The following SYNJ2 variants were observed in gnomAD, a reference collection of about 807,000 sequenced individuals.
SYNJ2 encodes the protein synaptojanin 2.
A neutral mutation model predicts 141.3 loss-of-function variants in SYNJ2; 116 were observed. That is an observed-to-expected ratio of 0.82 (90% CI 0.71 to 0.96). The LOEUF (loss-of-function observed/expected upper bound fraction) is 0.96, where lower values mean the gene tolerates loss of function less well. Ranked by LOEUF, SYNJ2 falls within the 40% of genes least tolerant of loss-of-function variation. The pLI is 0.00. For missense variants in SYNJ2, 1,873 were observed against 1,934.8 expected (o/e 0.97, Z 0.60); for synonymous variants, 745 against 777.7 (o/e 0.96, Z 0.70).
chr6:158,062,298 T>C, intron 8 of SYNJ2, 134 bp downstream of exon 8: 1 of 1,384,554 alleles, frequency 7.2e-7, no homozygotes, highest in South Asian at 1.6e-5. Context: ...ATGTGCCCTA[T>C]GAGGGGCAGC....
rs113215571 is a variant in SYNJ2, at chr6:158,064,551, A to G, written c.1210-50A>G. The G allele has an allele frequency of 4.1e-3, 6,603 of 1,599,582 alleles. 165 individuals are homozygous for G. In the African/African-American group the frequency reaches 0.063, roughly 15 times the overall value. ...AGGAACCTCCTGGGACAGTGGCTGCAGGGCCTCTGTGGGAGAAGCCAGTGA... is the reference window on the plus strand; with the variant it reads ...AGGAACCTCCTGGGACAGTGGCTGCGGGGCCTCTGTGGGAGAAGCCAGTGA... On this transcript the variant is annotated intron_variant, in intron 9 of 26. Transcript: ENST00000355585.
At chr6:157,981,741 G>A, upstream of SYNJ2, 1 of 328,404 alleles carries the variant, frequency 3.0e-6, no homozygotes, top group East Asian at 5.2e-5. The surrounding 1 kb of genome is among the most constrained non-coding windows in gnomAD (Gnocchi z 6.4). Flanking sequence ...GGAGCGCGGG[G>A]CCGGGCGGGA....
chr6:158,056,545 A>G (rs1003571310), intron 6 of SYNJ2, among the ~76,000 whole-genome samples: 17 of 152,074 alleles, frequency 1.1e-4, no homozygotes, highest in African/African-American at 3.4e-4. Flanking sequence ...ATTGCTGACT[A>G]TGTTCCCCTC....
intron 18 of SYNJ2, among the ~76,000 whole-genome samples, chr6:158,079,982 A>G (rs1313501315): frequency 2.0e-5 from 3 of 152,200 alleles, no homozygotes; most frequent in African/African-American, 7.2e-5. Context: ...AGCTATTTTC[A>G]ATCAGGCTGT....
intron 5 of SYNJ2, among the ~76,000 whole-genome samples, chr6:158,050,265 G>T (rs1049868025): frequency 3.9e-5 from 6 of 152,204 alleles, no homozygotes; most frequent in African/African-American, 9.7e-5. Flanking sequence ...CAGATTCCTG[G>T]CCCCACCCCT....
In SYNJ2 at chr6:158,069,685, CT is replaced by C; in HGVS notation, c.1940+13del. 1 of 1,601,880 alleles carries C rather than the reference CT, an allele frequency of 6.2e-7. No homozygotes were observed. The highest frequency in any genetic ancestry group is 8.5e-7 in the Non-Finnish European group (1 of 1,171,874). On this transcript the variant is annotated intron_variant, in intron 14 of 26. Transcript: ENST00000355585. Reference sequence around the variant, plus strand: ...GTCCCGTTCATCAGGTAAGAACATTCTGTTTACACACATCTGGGGAACAAGG... The same window carrying C: ...GTCCCGTTCATCAGGTAAGAACATTCGTTTACACACATCTGGGGAACAAGG...
rs73795226 is a variant in SYNJ2 at position 158,070,400 on chromosome 6, A to G, written c.1940+727A>G. 5.5e-3 allele frequency: 5,380 copies of G among 985,402 alleles called. 195 individuals are homozygous for G. In the African/African-American group the frequency reaches 0.086, roughly 16 times the overall value. The allele number at this position is 985,402 out of a possible 1,614,324, so 61.0% of individuals were successfully genotyped here. On this transcript the variant is annotated intron_variant, in intron 14 of 26. Coordinates refer to ENST00000355585, the MANE Select transcript of SYNJ2 (RefSeq NM_003898.4). This position sits in a 1 kb window ranked among gnomAD's most constrained non-coding sequence, Gnocchi z 4.0. ...CCTGCAGCACCTGGAGACTAAGACT[A>G]TGCTGCCCATAATCCTCTTCTCTGA... is the stretch of plus-strand genomic sequence containing the variant.
chr6:158,041,751 C>A (rs1383524205), intron 4 of SYNJ2, among the ~76,000 whole-genome samples: 1 of 152,210 alleles, frequency 6.6e-6, no homozygotes, highest in Non-Finnish European at 1.5e-5. Flanking sequence ...CTCTGTTGCC[C>A]CAGCTGGAGT....
At chr6:158,010,228 T>C (rs2128324443) in intron 1 of SYNJ2, among the ~76,000 whole-genome samples, 1 of 152,364 alleles carries the variant, frequency 6.6e-6, no homozygotes, top group African/African-American at 2.4e-5. Context: ...CTAGCTTCAT[T>C]TGCTACCTTC....
intron 1 of SYNJ2, among the ~76,000 whole-genome samples, chr6:158,009,682 A>C (rs901913251): frequency 6.6e-6 from 1 of 152,214 alleles, no homozygotes; most frequent in African/African-American, 2.4e-5. Flanking sequence ...TGAGATTATC[A>C]AGAAAGGGGG....
intron 2 of SYNJ2, among the ~76,000 whole-genome samples, chr6:158,019,788 C>G (rs927170046): frequency 6.6e-6 from 1 of 152,198 alleles, no homozygotes; most frequent in African/African-American, 2.4e-5. Flanking sequence ...TTGGCGATGT[C>G]AGGATAATTT....
chr6:158,087,780 G>T (rs1211041769), intron 23 of SYNJ2, among the ~76,000 whole-genome samples: 1 of 149,702 alleles, frequency 6.7e-6, no homozygotes, highest in Non-Finnish European at 1.5e-5. Flanking sequence ...CTACAAAGAA[G>T]AACAAAATTT....
At chr6:158,003,700 T>C (rs1777944852) in intron 1 of SYNJ2, among the ~76,000 whole-genome samples, 1 of 152,224 alleles carries the variant, frequency 6.6e-6, no homozygotes, top group Non-Finnish European at 1.5e-5. Flanking sequence ...TGTGGTTTGC[T>C]TGGTTACTGA....
At chr6:158,005,704 A>G (rs941292762) in intron 1 of SYNJ2, among the ~76,000 whole-genome samples, 2 of 149,188 alleles carry the variant, frequency 1.3e-5, no homozygotes, top group Non-Finnish European at 3.0e-5. Flanking sequence ...TGCTCTGTCC[A>G]CTCCCCCACC....
chr6:158,014,496 A>G (rs925573605), intron 1 of SYNJ2, among the ~76,000 whole-genome samples: 3 of 152,246 alleles, frequency 2.0e-5, no homozygotes, highest in South Asian at 2.1e-4. Context: ...TGGTAACTCT[A>G]TGGAACATAG....
intron 23 of SYNJ2, among the ~76,000 whole-genome samples, chr6:158,087,672 C>G (rs1336810925): frequency 2.0e-5 from 3 of 152,154 alleles, no homozygotes; most frequent in Non-Finnish European, 4.4e-5. Flanking sequence ...TGGCTGACGT[C>G]ACGGTAGTAA....
intron 1 of SYNJ2, among the ~76,000 whole-genome samples, chr6:158,000,468 G>A (rs767209958): frequency 2.4e-4 from 37 of 152,134 alleles, no homozygotes; most frequent in African/African-American, 3.1e-4. Context: ...TCAGTAGGCC[G>A]TCTCATAGCC....
chr6:158,069,700 TGGGGAACAAG>T (rs1781795526), intron 14 of SYNJ2, 27 bp downstream of exon 14: 1 of 1,582,102 alleles, frequency 6.3e-7, no homozygotes, highest in Non-Finnish European at 8.6e-7. Flanking sequence ...TACACACATC[TGGGGAACAAG>T]GGGTTGTTAG....
At chr6:158,062,998 T>C (rs1390462494) in intron 8 of SYNJ2, among the ~76,000 whole-genome samples, 1 of 152,168 alleles carries the variant, frequency 6.6e-6, no homozygotes, top group Non-Finnish European at 1.5e-5. Context: ...CTATATGAGC[T>C]ACAGTGCTGT....
Sources: allele counts gnomAD v4.1 joint callset (sites outside exome capture counted in the v4.1 genomes callset), GRCh38; gene constraint gnomAD v4.1.1; non-coding constraint Gnocchi (gnomAD v3.1); transcripts MANE v1.5; gene names NCBI Gene and HGNC (gene_info 2026-07-23, HGNC 2026-07-21).